HMCN2: variants seen among roughly 807,000 people sequenced by gnomAD.
HMCN2 encodes the protein hemicentin-2.
A neutral mutation model predicts 377.5 loss-of-function variants in HMCN2; 325 were observed. The ratio of observed to expected loss-of-function variants is 0.86; its 90% CI spans 0.79 to 0.94. The LOEUF (loss-of-function observed/expected upper bound fraction) is 0.94. Among genes scored for constraint, HMCN2 ranks in the 40% least tolerant of loss-of-function variants. The pLI is 0.00. For synonymous variants in HMCN2, 2,007 were observed against 2,046.8 expected (o/e 0.98, Z 0.53); for missense variants, 4,543 against 4,725.3 (o/e 0.96, Z 1.13).
At position 130,315,887 on chromosome 9, in the gene HMCN2, A is replaced by G. The variant is rs1249926413; in HGVS notation, c.2351-3608A>G. Among the ~76,000 whole-genome samples, 3 of 152,172 alleles carry G rather than the reference A, an allele frequency of 2.0e-5. No homozygotes were observed. The East Asian group carries it at 5.8e-4, about 29-fold the overall frequency. On this transcript the variant is annotated intron_variant, in intron 15 of 97. Coordinates refer to ENST00000683500, the MANE Select transcript of HMCN2 (RefSeq NM_001291815.2). The stretch of plus-strand genomic sequence containing the variant: ...TTAAAAGGACACTAATCCCCATGGT[A>G]GGGGCCTCACTCTCATGACTTACCC...
rs1353946468 is a variant in HMCN2 at position 130,372,289 on chromosome 9, C to T, written c.7238-5C>T. On this transcript the variant is annotated splice_region_variant and splice_polypyrimidine_tract_variant and intron_variant, in intron 46 of 97. Coordinates refer to ENST00000683500, the MANE Select transcript of HMCN2 (RefSeq NM_001291815.2). ...TGCTTGGGGCCCACGCCCCTCCCTCCCCAGGTGGCTGGATGCTGAAGATGA... is the reference window on the plus strand; with the variant it reads ...TGCTTGGGGCCCACGCCCCTCCCTCTCCAGGTGGCTGGATGCTGAAGATGA... 29 of 982,554 alleles carry T rather than the reference C, an allele frequency of 3.0e-5. No homozygotes were observed. Among genetic ancestry groups the T allele is most frequent in the South Asian group, 4.7e-5 (1 of 21,222 alleles). The allele number at this position is 982,554 out of a possible 1,614,324, so 60.9% of individuals were successfully genotyped here.
At chr9:130,377,144 C>T (rs1416429984) in intron 52 of HMCN2, among the ~76,000 whole-genome samples, 4 of 148,090 alleles carry the variant, frequency 2.7e-5, no homozygotes, top group African/African-American at 1.0e-4. Flanking sequence ...GACAGAGTCT[C>T]GCTCTGTCAC....
In HMCN2 at chr9:130,360,448, C is replaced by T. The variant is rs374402077; in HGVS notation, c.5794C>T (p.His1932Tyr). 3.1e-6 allele frequency: 4 copies of T among 1,301,808 alleles called. No homozygotes were observed. The highest frequency in any genetic ancestry group is 4.1e-6 in the Non-Finnish European group (4 of 987,462). The allele number at this position is 1,301,808 out of a possible 1,614,324, so 80.6% of individuals were successfully genotyped here. Residue 1932 changes from histidine to tyrosine, a missense_variant, in exon 38 of 98, where the codon CAC becomes TAC. His to Tyr is a moderately conservative substitution (Grantham distance 83, BLOSUM62 2). Transcript: ENST00000683500. This position sits in a 1 kb window ranked among gnomAD's most constrained non-coding sequence, Gnocchi z 4.7. Reference protein sequence around the residue: ...PPPDVSWFKGHQPVSSWMGVT... With the variant: ...PPPDVSWFKGYQPVSSWMGVT... ...CCCAGATGTCTCCTGGTTCAAGGGC[C>T]ACCAACCTGTCTCTTCATGGATGGG...
intron 90 of HMCN2, among the ~76,000 whole-genome samples, chr9:130,426,643 A>G (rs1844389045): frequency 6.6e-6 from 1 of 152,190 alleles, no homozygotes; most frequent in Non-Finnish European, 1.5e-5. Flanking sequence ...CCTACAATTT[A>G]TGTGGACCAA....
Position 130,418,880 on chromosome 9 carries a change from T to C in HMCN2, c.13070T>C (p.Leu4357Pro). ...TGEPTPTIEWLQAGQPLRASR... is the reference protein window; with the variant it reads ...TGEPTPTIEWPQAGQPLRASR... ...GAGCCCACACCCACCATTGAATGGC[T>C]ACAGGCGGGTCAACCCTTGCGGGCC... Residue 4357 changes from leucine to proline, a missense_variant, in exon 86 of 98, where the codon CTA becomes CCA. By Grantham distance (98) the Leu-to-Pro change is moderately conservative (BLOSUM62 -3). Around this residue, in one of 5 missense-constraint regions of HMCN2, gnomAD observed 1,155 missense variants for 1,157.7 expected, o/e 1.00. Transcript: ENST00000683500. The C allele has an allele frequency of 6.5e-7, 1 of 1,549,896 alleles. No individual in the cohort carries two copies.
chr9:130,433,687 C>G lies in HMCN2; in HGVS notation c.15234C>G (p.Pro5078=), dbSNP rs1844915323. 3 of 1,481,686 alleles carry G rather than the reference C, an allele frequency of 2.0e-6. No homozygotes were observed. Among genetic ancestry groups the G allele is most frequent in the Non-Finnish European group, 2.7e-6 (3 of 1,120,188 alleles). The allele number at this position is 1,481,686 out of a possible 1,614,324, so 91.8% of individuals were successfully genotyped here. The change falls in exon 98 of 98, where the codon CCC becomes CCG. Residue 5078 remains proline (P), a synonymous_variant. Transcript: ENST00000683500. Reference sequence around the variant, plus strand: ...TGCTCATCGCCGTGTCCCCCTACCCCTACTAAACGGGAGAGGGCATTGGCG... The same window carrying G: ...TGCTCATCGCCGTGTCCCCCTACCCGTACTAAACGGGAGAGGGCATTGGCG... ...FVLLIAVSPY[P]Y
At chr9:130,299,468 C>T (rs563379397) in intron 8 of HMCN2, among the ~76,000 whole-genome samples, 180 bp downstream of exon 8, 5 of 152,290 alleles carry the variant, frequency 3.3e-5, no homozygotes, top group Admixed American at 3.3e-4. Context: ...TCAGATGTGG[C>T]TCTCAGCTCA....
intron 1 of HMCN2, among the ~76,000 whole-genome samples, chr9:130,276,182 C>A (rs1834683788): frequency 1.3e-5 from 2 of 152,024 alleles, no homozygotes; most frequent in Admixed American, 1.3e-4. Flanking sequence ...CTGGGGATCC[C>A]CCTGCACCCA....
At chr9:130,406,506 C>T in intron 82 of HMCN2, 1 of 272,610 alleles carries the variant, frequency 3.7e-6, no homozygotes, top group South Asian at 4.0e-5. Context: ...CCCGTGGGGA[C>T]TCTGTCCTCC....
At chr9:130,389,956 G>A (rs542634550) in intron 62 of HMCN2, among the ~76,000 whole-genome samples, 17 of 152,290 alleles carry the variant, frequency 1.1e-4, no homozygotes, top group African/African-American at 3.1e-4. Flanking sequence ...GCTGTGTCGC[G>A]TGTTGTGCAT....
At position 130,299,173 on chromosome 9, in the gene HMCN2, C is replaced by T. The variant is rs547987947; in HGVS notation, c.1161C>T (p.Gly387=). 5 of 471,126 alleles carry T rather than the reference C, an allele frequency of 1.1e-5. No individual in the cohort carries two copies. Among genetic ancestry groups the T allele is most frequent in the African/African-American group, 2.0e-5 (1 of 50,176 alleles). 29.2% of individuals were successfully genotyped at this position (471,126 alleles called of 1,614,324 possible). The change falls in exon 8 of 98, where the codon GGC becomes GGT. Residue 387 remains glycine (G), a synonymous_variant. Coordinates refer to ENST00000683500, the MANE Select transcript of HMCN2 (RefSeq NM_001291815.2). Reference sequence around the variant, plus strand: ...ATGGCTCCACCCATCAGCTGTGGGGCGGGCCGCCCTTCCACACCCCCAAGG... The same window carrying T: ...ATGGCTCCACCCATCAGCTGTGGGGTGGGCCGCCCTTCCACACCCCCAAGG... The part of the protein sequence containing the change: ...LSNGSTHQLW[G]GPPFHTPKER...
At chr9:130,402,927 C>A in intron 78 of HMCN2, 31 bp downstream of exon 78, 1 of 1,280,520 alleles carries the variant, frequency 7.8e-7, no homozygotes, top group South Asian at 1.2e-5. Flanking sequence ...CCCCAGAGTT[C>A]CTAGGGCCAG....
chr9:130,299,138 C>A lies in HMCN2; in HGVS notation c.1126C>A (p.Pro376Thr), dbSNP rs1554933269. 1 of 471,272 alleles carries A rather than the reference C, an allele frequency of 2.1e-6. No homozygotes were observed. The highest frequency in any genetic ancestry group is 4.4e-6 in the Non-Finnish European group (1 of 227,048). The allele number at this position is 471,272 out of a possible 1,614,324, so 29.2% of individuals were successfully genotyped here. A position where few individuals can be genotyped will look rare whatever the true frequency, so the allele number is the denominator to read the frequency against. Residue 376 changes from proline (P) to threonine (T), a missense_variant, in exon 8 of 98, where the codon CCC (proline) becomes ACC (threonine). Transcript: ENST00000683500. ...GKPLLTLPTK[P>T]LSNGSTHQLW... ...GCCCCTCCTGACTCTGCCCACGAAG[C>A]CCCTCTCCAATGGCTCCACCCATCA...
At position 130,384,465 on chromosome 9, in the gene HMCN2, A is replaced by G. The variant is rs1447257671; in HGVS notation, c.8923A>G (p.Asn2975Asp). Reference sequence around the variant, plus strand: ...CCCTTGCGACGTCCACGCTCACCCAAACCCCGAGGTCACGTGGTACAAGGA... The same window carrying G: ...CCCTTGCGACGTCCACGCTCACCCAGACCCCGAGGTCACGTGGTACAAGGA... ...SLPCDVHAHPNPEVTWYKDSQ... is the reference protein window; with the variant it reads ...SLPCDVHAHPDPEVTWYKDSQ... Residue 2975 changes from asparagine (N) to aspartate (D), a missense_variant, in exon 58 of 98, where the codon AAC becomes GAC. Coordinates refer to ENST00000683500, the MANE Select transcript of HMCN2 (RefSeq NM_001291815.2). 1 of 1,304,202 alleles carries G rather than the reference A, an allele frequency of 7.7e-7. No individual in the cohort carries two copies. The highest frequency in any genetic ancestry group is 1.2e-5 in the South Asian group (1 of 81,018). The allele number at this position is 1,304,202 out of a possible 1,614,324, so 80.8% of individuals were successfully genotyped here. A position where few individuals can be genotyped will look rare whatever the true frequency, so the allele number is the denominator to read the frequency against.
chr9:130,417,521 CAA>C (rs397893236), intron 85 of HMCN2, among the ~76,000 whole-genome samples: 3 of 47,350 alleles, frequency 6.3e-5, no homozygotes, highest in African/African-American at 1.1e-4. Context: ...GACTCCGTCT[CAA>C]AAAAAAAAAA....
chr9:130,336,361 G>A (rs1838747667), intron 22 of HMCN2, among the ~76,000 whole-genome samples: 1 of 152,180 alleles, frequency 6.6e-6, no homozygotes, highest in African/African-American at 2.4e-5. Flanking sequence ...ATTTATGCAT[G>A]TGCTCTTGTC....
chr9:130,355,985 TG>T (rs896191820), intron 33 of HMCN2, 102 bp from the exon 34 acceptor site: 1 of 920,750 alleles, frequency 1.1e-6, no homozygotes, highest in African/African-American at 1.7e-5. Context: ...GAGCCACGGC[TG>T]GTGAGAGCAG....
In HMCN2 at chr9:130,369,477, G is replaced by A; in HGVS notation, c.6788-93G>A. On this transcript the variant is annotated intron_variant, in intron 44 of 97. Coordinates refer to ENST00000683500, the MANE Select transcript of HMCN2 (RefSeq NM_001291815.2). The surrounding 1 kb of genome is among the most constrained non-coding windows in gnomAD (Gnocchi z 4.5). ...GTCACACAGCCAGCGATGGCAAGGG[G>A]AGAGGGTGTGTCCCTATTGGGCCCG... 1 of 702,970 alleles carries A rather than the reference G, an allele frequency of 1.4e-6. No homozygotes were observed. Among genetic ancestry groups the A allele is most frequent in the Non-Finnish European group, 1.7e-6 (1 of 571,792 alleles). 43.5% of individuals were successfully genotyped at this position (702,970 alleles called of 1,614,324 possible).
rs553330843 is a variant in HMCN2, at chr9:130,425,235, A to G, written c.13641+105A>G. ...AGCCAGGCCCACTCTCCCTTCTGAC[A>G]GCGCTGCAGGGCTGGGTCACAGTCT... On this transcript the variant is annotated intron_variant, in intron 89 of 97. Coordinates refer to ENST00000683500, the MANE Select transcript of HMCN2 (RefSeq NM_001291815.2). The G allele has an allele frequency of 1.1e-3, 1,370 of 1,280,988 alleles. 1 individual carries two copies. Among genetic ancestry groups the G allele is most frequent in the Non-Finnish European group, 1.3e-3 (1,250 of 952,106 alleles). 79.4% of individuals were successfully genotyped at this position (1,280,988 alleles called of 1,614,324 possible).
Sources: gnomAD v4.1 joint callset for allele counts (sites outside exome capture counted in the v4.1 genomes callset) on GRCh38, gnomAD v4.1.1 for gene constraint, gnomAD v4.1.1 regional missense constraint, Gnocchi (gnomAD v3.1) non-coding constraint, MANE v1.5 for transcripts, NCBI Gene and HGNC (gene_info 2026-07-23, HGNC 2026-07-21) for gene names.